Variants in PTPRD observed in about 807,000 individuals in gnomAD.
PTPRD encodes the protein protein tyrosine phosphatase receptor type D.
PTPRD carries 34 observed loss-of-function variants against 214.5 expected under a neutral mutation model. The ratio of observed to expected loss-of-function variants is 0.16; its 90% CI spans 0.12 to 0.21. PTPRD has a LOEUF of 0.21. Ranked by LOEUF, PTPRD falls within the 10% of genes least tolerant of loss-of-function variation. PTPRD has a pLI of 1.00. For synonymous variants in PTPRD, 1,128 were observed against 845.7 expected (o/e 1.33, Z -5.79); for missense variants, 2,545 against 2,398.7 (o/e 1.06, Z -1.27).
intron 8 of PTPRD, among the ~76,000 whole-genome samples, chr9:9,431,413 G>C (rs530536440): frequency 1.3e-5 from 2 of 152,232 alleles, no homozygotes; most frequent in East Asian, 3.9e-4. Context: ...AACAGGTGCT[G>C]GAGAGGATGT....
intron 7 of PTPRD, among the ~76,000 whole-genome samples, chr9:9,650,997 T>G (rs1325070378): frequency 6.6e-6 from 1 of 152,034 alleles, no homozygotes. Context: ...TACAAATAAT[T>G]TATCTTCGCA....
chr9:8,336,334 G>A (rs10976969), intron 43 of PTPRD, among the ~76,000 whole-genome samples: 28,448 of 136,422 alleles, frequency 0.21, 3,386 homozygotes, highest in African/African-American at 0.31. Context: ...AAACCTGAGG[G>A]AAAACAAGAA....
chr9:10,461,273 C>A (rs1009243511), intron 2 of PTPRD, among the ~76,000 whole-genome samples: 1 of 151,592 alleles, frequency 6.6e-6, no homozygotes, highest in Non-Finnish European at 1.5e-5. Context: ...AAAGGAAACT[C>A]TTGTACTGTG....
chr9:8,726,042 C>A (rs867424221), intron 12 of PTPRD, among the ~76,000 whole-genome samples: 5 of 149,218 alleles, frequency 3.4e-5, no homozygotes, highest in African/African-American at 9.9e-5. Flanking sequence ...CACACACACA[C>A]ACACACACAC....
intron 8 of PTPRD, among the ~76,000 whole-genome samples, chr9:9,562,682 C>T (rs1344217039): frequency 6.6e-6 from 1 of 152,076 alleles, no homozygotes; most frequent in Non-Finnish European, 1.5e-5. Flanking sequence ...ATGGCTAACA[C>T]CTTTAGTTCC....
chr9:8,962,808 C>G (rs1012529699), intron 11 of PTPRD: 3 of 152,006 alleles, frequency 2.0e-5, no homozygotes, highest in African/African-American at 7.2e-5. Flanking sequence ...AGGACTCAAG[C>G]TACCAAAGGT....
intron 11 of PTPRD, among the ~76,000 whole-genome samples, chr9:8,817,082 G>C (rs924048517): frequency 6.6e-6 from 1 of 152,204 alleles, no homozygotes; most frequent in South Asian, 2.1e-4. Flanking sequence ...GGTATAGCAT[G>C]ATGAAGCTGT....
intron 11 of PTPRD, among the ~76,000 whole-genome samples, chr9:8,865,545 G>C (rs1277291894): frequency 3.9e-5 from 6 of 151,948 alleles, no homozygotes. Flanking sequence ...CCCTGCTCCT[G>C]GGCTCTCATT....
chr9:10,472,768 T>G (rs1370807923), intron 2 of PTPRD, among the ~76,000 whole-genome samples: 1 of 151,992 alleles, frequency 6.6e-6, no homozygotes, highest in East Asian at 1.9e-4. Context: ...CCTAGAAAAC[T>G]CAAATTAAAC....
In PTPRD at chr9:8,550,774, T is replaced by C. The variant is rs528744924; in HGVS notation, c.353-21995A>G. 3.3e-5 allele frequency among the ~76,000 whole-genome samples: 5 copies of C among 152,240 alleles called. No homozygotes were observed. The East Asian group carries it at 9.6e-4, about 29-fold the overall frequency. On this transcript the variant is annotated intron_variant, in intron 14 of 45. Coordinates refer to ENST00000381196, the MANE Select transcript of PTPRD (RefSeq NM_002839.4). ...GCCCTATAGTCTACAGCTTTAACTA[T>C]GAGAACTCCTGACAAGAACACCCAA...
intron 3 of PTPRD, among the ~76,000 whole-genome samples, chr9:10,091,723 C>T (rs891854674): frequency 1.1e-4 from 16 of 151,362 alleles, no homozygotes; most frequent in African/African-American, 3.9e-4. Context: ...ATTAATAAGA[C>T]TGTTACAGAT....
At chr9:8,423,957 G>A (rs1381395987) in intron 35 of PTPRD, among the ~76,000 whole-genome samples, 1 of 152,036 alleles carries the variant, frequency 6.6e-6, no homozygotes, top group African/African-American at 2.4e-5. Flanking sequence ...TGTTTGACAA[G>A]CTTAGGATGG....
At position 9,692,642 on chromosome 9, in the gene PTPRD, T is replaced by TA. The variant is rs1013776921; in HGVS notation, c.-287+41890_-287+41891insT. Among the ~76,000 whole-genome samples, 270 of 90,144 alleles carry TA rather than the reference T, an allele frequency of 3.0e-3. 5 individuals carry two copies. Among genetic ancestry groups the TA allele is most frequent in the African/African-American group, 0.01 (255 of 24,986 alleles). 59.1% of individuals were successfully genotyped at this position (90,144 alleles called of 152,430 possible). A position where few individuals can be genotyped will look rare whatever the true frequency, so the allele number is the denominator to read the frequency against. On this transcript the variant is annotated intron_variant, in intron 7 of 45. Transcript: ENST00000381196. ...GTGATTCTATATAAATTTTAAGTTT[T>TA]TTTTTTTTCTATTTCTGTGAAGACT...
At chr9:8,814,903 G>C (rs1409721141) in intron 11 of PTPRD, among the ~76,000 whole-genome samples, 1 of 152,172 alleles carries the variant, frequency 6.6e-6, no homozygotes, top group Non-Finnish European at 1.5e-5. Flanking sequence ...CATTCACATA[G>C]CTTTCTGGAG....
intron 11 of PTPRD, among the ~76,000 whole-genome samples, chr9:8,992,919 G>A (rs1360280709): frequency 6.6e-6 from 1 of 152,036 alleles, no homozygotes; most frequent in East Asian, 1.9e-4. Flanking sequence ...AATATTTGTT[G>A]GTGAGGCTGA....
intron 11 of PTPRD, among the ~76,000 whole-genome samples, chr9:8,816,066 T>G (rs925046335): frequency 6.6e-6 from 1 of 152,160 alleles, no homozygotes; most frequent in Non-Finnish European, 1.5e-5. Context: ...ACCAAACCAC[T>G]ACTAAGGATT....
chr9:10,223,017 A>G (rs2154350481), intron 3 of PTPRD, among the ~76,000 whole-genome samples: 1 of 152,178 alleles, frequency 6.6e-6, no homozygotes, highest in East Asian at 1.9e-4. Context: ...AATGAAGAGT[A>G]AAAATTAGCA....
intron 2 of PTPRD, among the ~76,000 whole-genome samples, chr9:10,590,970 A>G (rs2075295566): frequency 6.6e-6 from 1 of 151,622 alleles, no homozygotes; most frequent in Non-Finnish European, 1.5e-5. Flanking sequence ...CTGATTTAAG[A>G]ATGTTTGAAA....
chr9:9,792,690 T>C (rs141833382), intron 5 of PTPRD, among the ~76,000 whole-genome samples: 1 of 152,288 alleles, frequency 6.6e-6, no homozygotes, highest in Non-Finnish European at 1.5e-5. Context: ...TATGAGAGTA[T>C]AAATCATAAT....
Sources: allele counts gnomAD v4.1 joint callset (sites outside exome capture counted in the v4.1 genomes callset), GRCh38; gene constraint gnomAD v4.1.1; transcripts MANE v1.5; gene names NCBI Gene and HGNC (gene_info 2026-07-23, HGNC 2026-07-21).